The following COBL variants were observed in gnomAD, a reference collection of about 807,000 sequenced individuals.
COBL encodes the protein cordon-bleu WH2 repeat protein.
In COBL, 51 loss-of-function variants were observed where a neutral mutation model predicts 98.8. The observed-to-expected ratio is 0.52, with a 90% CI of 0.41 to 0.65. The LOEUF (loss-of-function observed/expected upper bound fraction) is 0.65. Ranked by LOEUF, COBL falls within the 30% of genes least tolerant of loss-of-function variation. The probability of loss-of-function intolerance (pLI) is 0.00; values close to 1 mark genes in which losing one functional copy is unlikely to be tolerated. For synonymous variants in COBL, 634 were observed against 651.7 expected, an observed-to-expected ratio of 0.97 and a Z score of 0.41; for missense variants, 1,617 against 1,617.5, an observed-to-expected ratio of 1.00 and a Z score of 0.01.
At chr7:51,125,051 G>T in intron 6 of COBL, among the ~76,000 whole-genome samples, 1 of 152,168 alleles carries the variant, frequency 6.6e-6, no homozygotes. Context: ...GACCTTAAGT[G>T]ATCTATCAGC....
chr7:51,214,532 T>C (rs1792832647), intron 2 of COBL, among the ~76,000 whole-genome samples: 1 of 152,098 alleles, frequency 6.6e-6, no homozygotes. Context: ...AATTCTGATC[T>C]CCTCATTTTT....
intron 5 of COBL, among the ~76,000 whole-genome samples, chr7:51,139,860 A>T (rs1250295501): frequency 6.6e-6 from 1 of 152,210 alleles, no homozygotes; most frequent in Non-Finnish European, 1.5e-5. Context: ...GTCTGGAGTC[A>T]AAACAGCTTG....
At chr7:51,232,229 TCAAAAATGGAACTCTCCCCTCATCCCCC>T (rs1794819114) in intron 1 of COBL, among the ~76,000 whole-genome samples, 1 of 151,734 alleles carries the variant, frequency 6.6e-6, no homozygotes, top group African/African-American at 2.4e-5. Context: ...ACTTTCTTAG[TCAAAAATGGAACTCTCCCCTCATCCCCC>T]CAAAAAAGGA....
intron 1 of COBL, among the ~76,000 whole-genome samples, chr7:51,258,968 C>T (rs1037555041): frequency 6.6e-6 from 1 of 152,124 alleles, no homozygotes; most frequent in African/African-American, 2.4e-5. Flanking sequence ...CCTCTGTCAT[C>T]CCAATCTCAA....
At chr7:51,283,783 C>T (rs1159551721) in intron 1 of COBL, among the ~76,000 whole-genome samples, 1 of 152,022 alleles carries the variant, frequency 6.6e-6, no homozygotes, top group African/African-American at 2.4e-5. Context: ...CCGCATCTGG[C>T]CAAATCTGTA....
intron 1 of COBL, among the ~76,000 whole-genome samples, chr7:51,301,716 AG>A (rs1441506187): frequency 1.3e-5 from 2 of 152,158 alleles, no homozygotes; most frequent in African/African-American, 4.8e-5. Context: ...CGTGGTTCCA[AG>A]CCACAGATTC....
At chr7:51,040,065 T>C (rs1361452594) in intron 8 of COBL, among the ~76,000 whole-genome samples, 1 of 152,156 alleles carries the variant, frequency 6.6e-6, no homozygotes, top group African/African-American at 2.4e-5. Flanking sequence ...AACCCCTGCA[T>C]TGCATGGGAG....
At chr7:51,120,546 T>A (rs957693945) in intron 6 of COBL, among the ~76,000 whole-genome samples, 5 of 152,206 alleles carry the variant, frequency 3.3e-5, no homozygotes, top group African/African-American at 1.2e-4. Flanking sequence ...TTCAGTAGTG[T>A]TAAGTACATT....
chr7:51,223,348 T>G (rs886506686), intron 1 of COBL, among the ~76,000 whole-genome samples: 4 of 152,250 alleles, frequency 2.6e-5, no homozygotes, highest in African/African-American at 9.6e-5. Context: ...AAATGAATTT[T>G]GGGCTGCTTT....
At chr7:51,237,047 C>A (rs58466366) in intron 1 of COBL, among the ~76,000 whole-genome samples, 39,823 of 138,128 alleles carry the variant, frequency 0.29, 6,451 homozygotes, top group East Asian at 0.61. Context: ...TCCTTCCTTG[C>A]AGTTTCTCCC....
intron 7 of COBL, among the ~76,000 whole-genome samples, chr7:51,079,096 G>T (rs1219583983): frequency 6.6e-6 from 1 of 152,132 alleles, no homozygotes; most frequent in Admixed American, 6.5e-5. Flanking sequence ...AAGAGGCTAG[G>T]GGGTGAACAC....
At chr7:51,255,127 C>T (rs532001904) in intron 1 of COBL, among the ~76,000 whole-genome samples, 6 of 152,324 alleles carry the variant, frequency 3.9e-5, no homozygotes, top group South Asian at 4.1e-4. Context: ...CTATTTCTGA[C>T]CCTGCTTTGT....
chr7:51,067,766 G>C (rs1184135421), intron 7 of COBL, among the ~76,000 whole-genome samples: 1 of 152,140 alleles, frequency 6.6e-6, no homozygotes, highest in East Asian at 1.9e-4. Flanking sequence ...CATAATATTG[G>C]CATAAATGCA....
intron 1 of COBL, among the ~76,000 whole-genome samples, chr7:51,277,936 T>C (rs895390229): frequency 6.6e-6 from 1 of 152,184 alleles, no homozygotes; most frequent in Non-Finnish European, 1.5e-5. Context: ...AGAGAGGACA[T>C]ATCTGTCAAC....
In COBL at chr7:51,031,062, C is replaced by G. The variant is rs186853418; in HGVS notation, c.1407-153G>C. 3.3e-5 allele frequency: 21 copies of G among 630,390 alleles called. No individual in the cohort carries two copies. In the East Asian group the frequency reaches 5.7e-4, roughly 17 times the overall value. The allele number at this position is 630,390 out of a possible 1,614,324, so 39.0% of individuals were successfully genotyped here. On this transcript the variant is annotated intron_variant, in intron 8 of 12. Coordinates refer to ENST00000265136, the MANE Select transcript of COBL (RefSeq NM_015198.5). ...GCTGTTGTCCTCAGAACTACGGAGA[C>G]GCAGATTGTTCATGGGTGTGTGTGT...
In COBL at chr7:51,242,060, C is replaced by G. The variant is rs543693123; in HGVS notation, c.42-22116G>C. On this transcript the variant is annotated intron_variant, in intron 1 of 12. Transcript: ENST00000265136. ...TGACTGGTCCCCTCTCACAACCAGTCTGGTCTCAGGCCAAGTCTTCATTTG... is the reference window on the plus strand; with the variant it reads ...TGACTGGTCCCCTCTCACAACCAGTGTGGTCTCAGGCCAAGTCTTCATTTG... Among the ~76,000 whole-genome samples, 35 of 152,360 alleles carry G rather than the reference C, an allele frequency of 2.3e-4. No homozygotes were observed. The South Asian group carries it at 7.0e-3, about 31-fold the overall frequency.
At chr7:51,120,270 T>C (rs1247899958) in intron 6 of COBL, among the ~76,000 whole-genome samples, 3 of 152,044 alleles carry the variant, frequency 2.0e-5, no homozygotes, top group African/African-American at 7.2e-5. Context: ...AAAATATAAG[T>C]TATTTCACTG....
chr7:51,123,597 A>C (rs1313611947), intron 6 of COBL, among the ~76,000 whole-genome samples: 1 of 152,188 alleles, frequency 6.6e-6, no homozygotes, highest in African/African-American at 2.4e-5. Flanking sequence ...TCCAGTGAAA[A>C]ATTCAAGGAG....
chr7:51,306,887 G>A (rs1349446991), intron 1 of COBL, among the ~76,000 whole-genome samples: 1 of 152,188 alleles, frequency 6.6e-6, no homozygotes, highest in Admixed American at 6.5e-5. Flanking sequence ...AAATAGAGCA[G>A]AGCAACATCC....
Sources: allele counts gnomAD v4.1 joint callset (sites outside exome capture counted in the v4.1 genomes callset), GRCh38; gene constraint gnomAD v4.1.1; transcripts MANE v1.5; gene names NCBI Gene and HGNC (gene_info 2026-07-23, HGNC 2026-07-21).